The following HBP1 variants were observed in gnomAD, a reference collection of about 807,000 sequenced individuals.
HBP1 encodes HMG-box transcription factor 1.
Under a neutral mutation model 62.6 loss-of-function variants are expected in HBP1, and 20 were observed. The ratio of observed to expected loss-of-function variants is 0.32; its 90% confidence interval spans 0.22 to 0.46. The LOEUF (loss-of-function observed/expected upper bound fraction) is 0.46, where lower values mean the gene tolerates loss of function less well. Ranked by LOEUF, HBP1 falls within the 20% of genes least tolerant of loss-of-function variation. The pLI is 1.00. For synonymous variants in HBP1, 232 were observed against 206.2 expected, an observed-to-expected ratio of 1.12 and a Z score of -1.07; for missense variants, 480 against 611.8, an observed-to-expected ratio of 0.78 and a Z score of 2.27.
rs761310190 is a variant in HBP1 at position 107,176,993 on chromosome 7, G to GGGA, written c.-15-2881_-15-2879dup. 1.4e-4 allele frequency among the ~76,000 whole-genome samples: 22 copies of GGGA among 152,246 alleles called. No individual in the cohort carries two copies. The East Asian group carries it at 4.2e-3, about 29-fold the overall frequency. On this transcript the variant is annotated intron_variant, in intron 1 of 10. Transcript: ENST00000222574. ...GGATGACTTGTCATAATATCTCCTA[G>GGGA]GGAGGAGACTGTTGAAACTGAATAG... is the stretch of plus-strand genomic sequence containing the variant.
chr7:107,177,043 A>G (rs1249390556), intron 1 of HBP1, among the ~76,000 whole-genome samples: 4 of 152,144 alleles, frequency 2.6e-5, no homozygotes, highest in Admixed American at 2.6e-4. Flanking sequence ...CCTGTTAATT[A>G]TGTATTTTCA....
chr7:107,189,349 G>A lies in HBP1; in HGVS notation c.823G>A (p.Glu275Lys), dbSNP rs754955216. The stretch of plus-strand genomic sequence containing the variant: ...ACATGAAGAAAGTGTATCATTTGGC[G>A]AGTCTGTACTGAAGTTGACTTTTGA... The part of the protein sequence containing the change: ...LSHEESVSFG[E>K]SVLKLTFDPG... The change falls in exon 7 of 11, where the codon GAG (glutamate) becomes AAG (lysine). Residue 275 changes from glutamate to lysine, a missense_variant. By Grantham distance (56) the Glu-to-Lys change is moderately conservative. Coordinates refer to ENST00000222574, the MANE Select transcript of HBP1 (RefSeq NM_012257.4). 5 of 1,612,524 alleles carry A rather than the reference G, an allele frequency of 3.1e-6. No individual in the cohort carries two copies. The highest frequency in any genetic ancestry group is 1.7e-5 in the Admixed American group (1 of 59,972).
chr7:107,183,547 C>T lies in HBP1; in HGVS notation c.398+946C>T, dbSNP rs1797211342. On this transcript the variant is annotated intron_variant, in intron 3 of 10. Coordinates refer to ENST00000222574, the MANE Select transcript of HBP1 (RefSeq NM_012257.4). ...AAACTTCCTTTCAGAGTTGTTATTT[C>T]CTTTATAGTCCTAGTTTTCATTGTA... Among the ~76,000 whole-genome samples, 3 of 151,964 alleles carry T rather than the reference C, an allele frequency of 2.0e-5. No individual in the cohort carries two copies. The South Asian group carries it at 6.2e-4, about 32-fold the overall frequency.
chr7:107,180,206 C>T, intron 2 of HBP1, 144 bp downstream of exon 2: 1 of 497,022 alleles, frequency 2.0e-6, no homozygotes, highest in Non-Finnish European at 3.6e-6. Context: ...TCTTTTATTG[C>T]TTTTAAAATA....
intron 7 of HBP1, 156 bp from the exon 8 acceptor site, chr7:107,190,017 T>C (rs1797573360): frequency 3.6e-6 from 2 of 553,290 alleles, no homozygotes; most frequent in Middle Eastern, 3.7e-4. Context: ...AATACTTATC[T>C]AGTACTTTAT....
intron 1 of HBP1, among the ~76,000 whole-genome samples, chr7:107,178,057 T>G (rs1249329325): frequency 6.6e-6 from 1 of 152,240 alleles, no homozygotes; most frequent in African/African-American, 2.4e-5. Context: ...TTGATCAGCC[T>G]GCACTGGGTG....
At chr7:107,200,406 G>C (rs1052549119) in intron 10 of HBP1, 105 bp downstream of exon 10, 16 of 807,408 alleles carry the variant, frequency 2.0e-5, no homozygotes, top group African/African-American at 7.0e-5. Flanking sequence ...TGTTGATGCT[G>C]TCTCTAGCAT....
chr7:107,186,052 A>G lies in HBP1; in HGVS notation c.540+110A>G, dbSNP rs540058407. ...CTGTTCTGTTAGTGATCTGGATTTG[A>G]TTTTATATACAGCTCTGCTATGTGT... On this transcript the variant is annotated intron_variant, in intron 4 of 10. Transcript: ENST00000222574. 620 of 777,672 alleles carry G rather than the reference A, an allele frequency of 8.0e-4. 9 individuals carry two copies. In the South Asian group the frequency reaches 9.9e-3, roughly 12 times the overall value. 48.2% of individuals were successfully genotyped at this position (777,672 alleles called of 1,614,324 possible). A position where few individuals can be genotyped will look rare whatever the true frequency, so the allele number is the denominator to read the frequency against.
intron 9 of HBP1, among the ~76,000 whole-genome samples, chr7:107,199,467 G>T (rs1428151497): frequency 6.6e-6 from 1 of 152,240 alleles, no homozygotes; most frequent in East Asian, 1.9e-4. Flanking sequence ...ACACTTGTAG[G>T]AGAGCTTCTG....
At chr7:107,172,408 A>G (rs1228865991) in intron 1 of HBP1, among the ~76,000 whole-genome samples, 2 of 152,082 alleles carry the variant, frequency 1.3e-5, no homozygotes, top group Non-Finnish European at 2.9e-5. Flanking sequence ...TTATGTTTCT[A>G]GTTTCTCCAT....
chr7:107,179,528 C>CT (rs1417523741), intron 1 of HBP1: 1 of 160,952 alleles, frequency 6.2e-6, no homozygotes, highest in African/African-American at 2.4e-5. Flanking sequence ...TCCCAGCACT[C>CT]TGGGAGGCCC....
chr7:107,178,897 G>A (rs1362332519), intron 1 of HBP1, among the ~76,000 whole-genome samples: 3 of 152,302 alleles, frequency 2.0e-5, no homozygotes, highest in Middle Eastern at 6.8e-3. Context: ...AGCTGGGTGT[G>A]GTGGCACGCG....
At chr7:107,171,063 A>ATTTTTT (rs1184704903) in intron 1 of HBP1, among the ~76,000 whole-genome samples, 2 of 65,916 alleles carry the variant, frequency 3.0e-5, no homozygotes, top group Admixed American at 1.8e-4. Context: ...ATATATATAT[A>ATTTTTT]TATATATATA....
chr7:107,198,409 CTTGTTGG>C (rs2116002864), intron 9 of HBP1, among the ~76,000 whole-genome samples: 1 of 152,086 alleles, frequency 6.6e-6, no homozygotes, highest in East Asian at 1.9e-4. Context: ...GGGGTTTCAC[CTTGTTGG>C]CTAGGCTGGT....
chr7:107,186,703 A>C, intron 6 of HBP1, 22 bp downstream of exon 6: 1 of 1,416,542 alleles, frequency 7.1e-7, no homozygotes, highest in South Asian at 1.2e-5. Context: ...ATTCTTAAAA[A>C]ATTTTTCAAA....
At chr7:107,169,783 C>G (rs566893843) in intron 1 of HBP1, 1 of 984,760 alleles carries the variant, frequency 1.0e-6, no homozygotes, top group African/African-American at 1.8e-5. Context: ...AAAAACAAGC[C>G]CGGAGTCCGG....
intron 9 of HBP1, chr7:107,197,256 G>A (rs909831533): frequency 3.3e-5 from 5 of 152,096 alleles, no homozygotes; most frequent in Non-Finnish European, 7.3e-5. Context: ...ACTACCATTT[G>A]CTTTATCTTG....
rs767970962 is a variant in HBP1 at position 107,186,685 on chromosome 7, GATTTAAAATTCTTAAAAA to G, written c.765+9_765+26del. 38 of 1,547,234 alleles carry G rather than the reference GATTTAAAATTCTTAAAAA, an allele frequency of 2.5e-5. No homozygotes were observed. The highest frequency in any genetic ancestry group is 5.6e-5 in the Admixed American group (3 of 53,380). On this transcript the variant is annotated splice_donor_5th_base_variant and intron_variant, in intron 6 of 10. Coordinates refer to ENST00000222574, the MANE Select transcript of HBP1 (RefSeq NM_012257.4). ...TCTTCAAATGGGCATTCACAAGGTT[GATTTAAAATTCTTAAAAA>G]ATTTTTCAAAATCTTTCCAAATGAA...
chr7:107,200,369 G>C, intron 10 of HBP1, 68 bp downstream of exon 10: 1 of 1,350,052 alleles, frequency 7.4e-7, no homozygotes, highest in South Asian at 1.4e-5. Context: ...GCATGTTGGA[G>C]CAGTTGTTAC....
Sources: gnomAD v4.1 joint callset for allele counts (sites outside exome capture counted in the v4.1 genomes callset) on GRCh38, gnomAD v4.1.1 for gene constraint, MANE v1.5 for transcripts, NCBI Gene and HGNC (gene_info 2026-07-23, HGNC 2026-07-21) for gene names.